Variants in CDH13 observed in about 807,000 individuals in gnomAD.
CDH13 encodes cadherin-13.
A neutral mutation model predicts 63.8 loss-of-function variants in CDH13; 24 were observed. The observed-to-expected ratio is 0.38, with a 90% CI of 0.27 to 0.53. The LOEUF (loss-of-function observed/expected upper bound fraction) is 0.53. Ranked by LOEUF, CDH13 falls within the 20% of genes least tolerant of loss-of-function variation. The pLI, the probability that CDH13 is intolerant of heterozygous loss-of-function variation, is 0.85. For missense variants in CDH13, 1,049 were observed against 903.1 expected, an observed-to-expected ratio of 1.16 and a Z score of -2.07; for synonymous variants, 503 against 355.3, an observed-to-expected ratio of 1.42 and a Z score of -4.67.
chr16:83,414,285 T>C (rs1320451424), intron 6 of CDH13, among the ~76,000 whole-genome samples: 1 of 152,236 alleles, frequency 6.6e-6, no homozygotes, highest in Non-Finnish European at 1.5e-5. Flanking sequence ...ACATAATTCA[T>C]ATACTGTATA....
At chr16:82,926,633 G>C (rs980562065) in intron 2 of CDH13, among the ~76,000 whole-genome samples, 2 of 152,150 alleles carry the variant, frequency 1.3e-5, no homozygotes, top group African/African-American at 4.8e-5. Flanking sequence ...CAAGCTCTAG[G>C]TACAAAAGCC....
intron 5 of CDH13, among the ~76,000 whole-genome samples, chr16:83,228,010 T>C (rs889720): frequency 0.01 from 1,532 of 152,170 alleles, 9 homozygotes; most frequent in Non-Finnish European, 0.016. Context: ...ACGGAGCCGA[T>C]AAAAGATATA....
intron 5 of CDH13, among the ~76,000 whole-genome samples, chr16:83,255,432 A>G (rs1484042709): frequency 6.6e-6 from 1 of 152,212 alleles, no homozygotes; most frequent in Admixed American, 6.5e-5. Flanking sequence ...AGTCTCTTAA[A>G]TGCTGGAAAA....
At chr16:83,133,352 T>G (rs1330362511) in intron 4 of CDH13, among the ~76,000 whole-genome samples, 1 of 152,204 alleles carries the variant, frequency 6.6e-6, no homozygotes, top group Non-Finnish European at 1.5e-5. Context: ...TTTGTATTGA[T>G]TTCATTTGGA....
intron 11 of CDH13, among the ~76,000 whole-genome samples, 197 bp downstream of exon 11, chr16:83,748,447 G>A (rs1027416828): frequency 6.6e-6 from 1 of 152,124 alleles, no homozygotes; most frequent in Admixed American, 6.6e-5. Flanking sequence ...AGATCTTTTT[G>A]GAAAGTGAAT....
rs541643888 is a variant in CDH13, at chr16:83,673,144, G to A, written c.1284+2172G>A. 5.3e-5 allele frequency among the ~76,000 whole-genome samples: 8 copies of A among 152,278 alleles called. No individual in the cohort carries two copies. In the East Asian group the frequency reaches 5.8e-4, roughly 11 times the overall value. On this transcript the variant is annotated intron_variant, in intron 9 of 13. Transcript: ENST00000567109. ...ACCTAGTCTACATACACATAAGCACGTATTAACAATCCCTTAATTAACTAT... is the reference window on the plus strand; with the variant it reads ...ACCTAGTCTACATACACATAAGCACATATTAACAATCCCTTAATTAACTAT...
chr16:83,320,520 G>A (rs1276047150), intron 5 of CDH13, among the ~76,000 whole-genome samples: 1 of 152,184 alleles, frequency 6.6e-6, no homozygotes. Flanking sequence ...ACAAATGACA[G>A]AAATCAGATA....
At position 83,692,598 on chromosome 16, in the gene CDH13, C is replaced by T. The variant is rs535264921; in HGVS notation, c.1538+14137C>T. On this transcript the variant is annotated intron_variant, in intron 10 of 13. Transcript: ENST00000567109. Reference sequence around the variant, plus strand: ...AGAACAAGGATCTGTCATAAACTTCCTTATTTTGCCAAACTTACTATAGGC... The same window carrying T: ...AGAACAAGGATCTGTCATAAACTTCTTTATTTTGCCAAACTTACTATAGGC... Among the ~76,000 whole-genome samples, 269 of 152,314 alleles carry T rather than the reference C, an allele frequency of 1.8e-3. 1 individual carries two copies. The highest frequency in any genetic ancestry group is 6.8e-3 in the Middle Eastern group (2 of 294).
At chr16:83,367,758 G>A (rs1303841265) in intron 6 of CDH13, among the ~76,000 whole-genome samples, 3 of 152,090 alleles carry the variant, frequency 2.0e-5, no homozygotes, top group African/African-American at 7.2e-5. Flanking sequence ...CCTAGTCTGG[G>A]TTCTTTGTAT....
chr16:83,416,127 CAAGAA>C (rs2151463612), intron 6 of CDH13, among the ~76,000 whole-genome samples: 1 of 152,196 alleles, frequency 6.6e-6, no homozygotes, highest in Admixed American at 6.5e-5. Flanking sequence ...AAAAGGAAAT[CAAGAA>C]AACAATCCCT....
intron 2 of CDH13, among the ~76,000 whole-genome samples, chr16:82,903,983 T>C (rs1323204964): frequency 1.3e-5 from 2 of 152,224 alleles, no homozygotes; most frequent in Non-Finnish European, 2.9e-5. Context: ...CCTATTCTTC[T>C]GGAAGTCATA....
At chr16:83,520,950 G>T (rs561379480) in intron 7 of CDH13, among the ~76,000 whole-genome samples, 1 of 151,970 alleles carries the variant, frequency 6.6e-6, no homozygotes, top group Admixed American at 6.6e-5. Flanking sequence ...CACAGGAAGT[G>T]CCTCTCCTCA....
intron 5 of CDH13, among the ~76,000 whole-genome samples, chr16:83,303,969 A>G (rs151052882): frequency 6.6e-6 from 1 of 152,170 alleles, no homozygotes; most frequent in Admixed American, 6.5e-5. Context: ...CCTATCTGAT[A>G]GGATGAATTG....
At chr16:82,990,548 T>TTTTG (rs1288220601) in intron 2 of CDH13, among the ~76,000 whole-genome samples, 1 of 68,444 alleles carries the variant, frequency 1.5e-5, no homozygotes, top group Non-Finnish European at 3.5e-5. Flanking sequence ...TTGGTTTGGG[T>TTTTG]TTTTTTTTTT....
At chr16:83,514,976 C>T (rs1193242336) in intron 7 of CDH13, among the ~76,000 whole-genome samples, 5 of 152,162 alleles carry the variant, frequency 3.3e-5, no homozygotes, top group Admixed American at 6.5e-5. Context: ...TTCTTGATGG[C>T]GAAATGGAGA....
intron 10 of CDH13, among the ~76,000 whole-genome samples, chr16:83,719,527 C>G (rs1909399574): frequency 6.6e-6 from 1 of 152,278 alleles, no homozygotes; most frequent in East Asian, 1.9e-4. Flanking sequence ...GCCACATTTT[C>G]CAGCACAACA....
chr16:83,704,002 G>C (rs984384792), intron 10 of CDH13, among the ~76,000 whole-genome samples: 2 of 152,114 alleles, frequency 1.3e-5, no homozygotes, highest in African/African-American at 4.8e-5. Flanking sequence ...AAGGCTTTTT[G>C]CTTTGTAAGT....
intron 10 of CDH13, among the ~76,000 whole-genome samples, chr16:83,679,069 G>A (rs947738010): frequency 4.0e-5 from 6 of 149,072 alleles, no homozygotes; most frequent in African/African-American, 7.5e-5. Flanking sequence ...TGGGATTGGC[G>A]TTCTGCCTGA....
chr16:83,691,397 A>G (rs1235151364), intron 10 of CDH13, among the ~76,000 whole-genome samples: 1 of 152,106 alleles, frequency 6.6e-6, no homozygotes, highest in Non-Finnish European at 1.5e-5. Flanking sequence ...TATGATCCCC[A>G]AAGAGGGAAG....
Sources: gnomAD v4.1 joint callset for allele counts (sites outside exome capture counted in the v4.1 genomes callset) on GRCh38, gnomAD v4.1.1 for gene constraint, MANE v1.5 for transcripts, NCBI Gene and HGNC (gene_info 2026-07-23, HGNC 2026-07-21) for gene names.